The following LAMA2 variants were observed in gnomAD, a reference collection of about 807,000 sequenced individuals.
LAMA2 encodes the protein laminin subunit alpha-2.
In LAMA2, 269 loss-of-function variants were observed where a neutral mutation model predicts 364.8. The observed-to-expected ratio is 0.74, with a 90% confidence interval of 0.67 to 0.82. The LOEUF (loss-of-function observed/expected upper bound fraction) is 0.82. LAMA2 is among the 40% of genes least tolerant of loss of function. The pLI is 0.00. For synonymous variants in LAMA2, 1,379 were observed against 1,370.6 expected (o/e 1.01, Z -0.14); for missense variants, 3,807 against 3,873.2 (o/e 0.98, Z 0.45).
At chr6:129,510,858 A>C (rs762481545) in intron 62 of LAMA2, among the ~76,000 whole-genome samples, 1 of 152,066 alleles carries the variant, frequency 6.6e-6, no homozygotes, top group Non-Finnish European at 1.5e-5. Context: ...GAAAACAGAA[A>C]AACACAGGAT....
At position 129,316,027 on chromosome 6, in the gene LAMA2, C is replaced by T. The variant is rs1365446589; in HGVS notation, c.3925-11C>T. ...CAGTTTTGTCATAGTGATTTCTCTTCTTGTTAACAGAAAGAATGGAAATAT... is the reference window on the plus strand; with the variant it reads ...CAGTTTTGTCATAGTGATTTCTCTTTTTGTTAACAGAAAGAATGGAAATAT... On this transcript the variant is annotated splice_polypyrimidine_tract_variant and intron_variant, in intron 26 of 64. Transcript: ENST00000421865. 6.2e-7 allele frequency: 1 copy of T among 1,613,994 alleles called. No individual in the cohort carries two copies. The highest frequency in any genetic ancestry group is 1.7e-5 in the Admixed American group (1 of 60,018).
intron 1 of LAMA2, among the ~76,000 whole-genome samples, chr6:128,931,797 A>T (rs1231379194): frequency 6.6e-6 from 1 of 152,230 alleles, no homozygotes; most frequent in Non-Finnish European, 1.5e-5. Context: ...TTCAGTTTTT[A>T]AACAATTTAA....
At chr6:129,187,625 A>G (rs1039593849) in intron 10 of LAMA2, among the ~76,000 whole-genome samples, 5 of 151,868 alleles carry the variant, frequency 3.3e-5, no homozygotes, top group Non-Finnish European at 1.5e-5. Flanking sequence ...TCTAGCATAC[A>G]GGAAGTATTA....
At chr6:129,397,508 C>T (rs1043195458) in intron 37 of LAMA2, among the ~76,000 whole-genome samples, 6 of 152,032 alleles carry the variant, frequency 3.9e-5, no homozygotes, top group South Asian at 2.1e-4. Flanking sequence ...GATTGTTTTC[C>T]GTGAATAAAT....
At chr6:129,045,966 T>TGG (rs1666128768) in intron 1 of LAMA2, among the ~76,000 whole-genome samples, 1 of 152,222 alleles carries the variant, frequency 6.6e-6, no homozygotes, top group Non-Finnish European at 1.5e-5. Flanking sequence ...GACAATGCCC[T>TGG]GGTGAAGTTT....
chr6:128,920,163 CTTT>C (rs754182409), intron 1 of LAMA2, among the ~76,000 whole-genome samples: 24 of 143,200 alleles, frequency 1.7e-4, no homozygotes, highest in Non-Finnish European at 2.8e-4. Context: ...TTTTTCTTTT[CTTT>C]TTTTTTTTTT....
chr6:129,014,668 A>C (rs779975509), intron 1 of LAMA2, among the ~76,000 whole-genome samples: 1 of 152,222 alleles, frequency 6.6e-6, no homozygotes, highest in East Asian at 1.9e-4. Context: ...AAAAGAAAAA[A>C]TATGCTATTT....
At chr6:129,495,680 A>T (rs1236006481) in intron 58 of LAMA2, among the ~76,000 whole-genome samples, 1 of 152,076 alleles carries the variant, frequency 6.6e-6, no homozygotes, top group Non-Finnish European at 1.5e-5. Flanking sequence ...TCCATGGATC[A>T]CCTTACTTTT....
chr6:129,191,009 A>T (rs1781491842), intron 11 of LAMA2, among the ~76,000 whole-genome samples: 1 of 152,202 alleles, frequency 6.6e-6, no homozygotes, highest in Non-Finnish European at 1.5e-5. Flanking sequence ...TCAGAGGAAA[A>T]TGGGACCTTC....
intron 18 of LAMA2, among the ~76,000 whole-genome samples, chr6:129,283,842 G>A (rs1374408379): frequency 2.0e-5 from 3 of 151,906 alleles, no homozygotes; most frequent in Non-Finnish European, 4.4e-5. Context: ...TTTGGGTCCT[G>A]AATGCAGAGC....
intron 1 of LAMA2, among the ~76,000 whole-genome samples, chr6:128,981,902 C>G (rs78072825): frequency 1.3e-5 from 2 of 152,294 alleles, no homozygotes; most frequent in Admixed American, 1.3e-4. Context: ...GCTAGCCAGG[C>G]CTTTGGGAAG....
chr6:129,417,719 T>TC (rs1780871760), intron 40 of LAMA2, among the ~76,000 whole-genome samples: 1 of 151,658 alleles, frequency 6.6e-6, no homozygotes, highest in Non-Finnish European at 1.5e-5. Flanking sequence ...CACCCTCAAC[T>TC]CCCCCTTGGC....
chr6:129,012,068 A>AT (rs895851070), intron 1 of LAMA2, among the ~76,000 whole-genome samples: 18 of 152,184 alleles, frequency 1.2e-4, no homozygotes, highest in Admixed American at 5.9e-4. Flanking sequence ...CTCAGGATTA[A>AT]TTTTTTTGTC....
intron 37 of LAMA2, among the ~76,000 whole-genome samples, chr6:129,397,267 C>A (rs1299005682): frequency 6.6e-6 from 1 of 152,150 alleles, no homozygotes; most frequent in East Asian, 1.9e-4. Flanking sequence ...CATAGGCCTT[C>A]TTTCTGTTTC....
At chr6:129,191,771 T>C (rs1260643251) in intron 11 of LAMA2, among the ~76,000 whole-genome samples, 1 of 152,228 alleles carries the variant, frequency 6.6e-6, no homozygotes, top group African/African-American at 2.4e-5. Flanking sequence ...TTCAGCCACA[T>C]AGAGTCACCC....
rs1312709153 is a variant in LAMA2, at chr6:129,059,797, T to C, written c.297T>C (p.Ile99=). Residue 99 remains isoleucine (I), a synonymous_variant, in exon 3 of 65, where the codon ATT becomes ATC. Coordinates refer to ENST00000421865, the MANE Select transcript of LAMA2 (RefSeq NM_000426.4). ...CTAACTCAATAGAGAGACACCCGAT[T>C]ACAAATGCTATTGATGGAAAGAACA... ...NSSNPNQRHP[I]TNAIDGKNTW... The C allele has an allele frequency of 1.9e-6, 3 of 1,602,268 alleles. No individual in the cohort carries two copies. In the Admixed American group the frequency reaches 5.0e-5, roughly 27 times the overall value.
At position 129,315,514 on chromosome 6, in the gene LAMA2, A is replaced by G. The variant is rs367639107; in HGVS notation, c.3594A>G (p.Val1198=). The G allele has an allele frequency of 1.1e-5, 17 of 1,614,116 alleles. No homozygotes were observed. The African/African-American group carries it at 1.9e-4, about 18-fold the overall frequency. Residue 1198 remains valine (V), a synonymous_variant, in exon 25 of 65, where the codon GTA becomes GTG. Coordinates refer to ENST00000421865, the MANE Select transcript of LAMA2 (RefSeq NM_000426.4). The stretch of plus-strand genomic sequence containing the variant: ...CTGAGCAGACCATTCTACCCCTGGT[A>G]GATGAGGCTCTGCAGCACACGACCA... The part of the protein sequence containing the change: ...LKAEQTILPL[V]DEALQHTTTK...
At chr6:129,154,756 A>T (rs1441110797) in intron 8 of LAMA2, 73 bp downstream of exon 8, 6 of 1,257,962 alleles carry the variant, frequency 4.8e-6, no homozygotes, top group Non-Finnish European at 6.9e-6. Flanking sequence ...ATACAAAAAA[A>T]TAATAATTTT....
chr6:129,212,150 G>A (rs1184748235), intron 12 of LAMA2, among the ~76,000 whole-genome samples: 1 of 152,126 alleles, frequency 6.6e-6, no homozygotes, highest in African/African-American at 2.4e-5. Flanking sequence ...AGAACCAAGG[G>A]GAGGACCGAA....
Sources: gnomAD v4.1 joint callset for allele counts (sites outside exome capture counted in the v4.1 genomes callset) on GRCh38, gnomAD v4.1.1 for gene constraint, MANE v1.5 for transcripts, NCBI Gene and HGNC (gene_info 2026-07-23, HGNC 2026-07-21) for gene names.